CACNA1A: variants seen among roughly 807,000 people sequenced by gnomAD.
CACNA1A encodes voltage-dependent P/Q-type calcium channel subunit alpha-1A.
In CACNA1A, 57 loss-of-function variants were observed where a neutral mutation model predicts 262.4. The observed-to-expected ratio is 0.22, with a 90% confidence interval of 0.18 to 0.27. CACNA1A has a LOEUF of 0.27. Ranked by LOEUF, CACNA1A falls within the 10% of genes least tolerant of loss-of-function variation. The probability of loss-of-function intolerance (pLI) is 1.00; values close to 1 mark genes in which losing one functional copy is unlikely to be tolerated. For missense variants in CACNA1A, 2,526 were observed against 3,562.8 expected, an observed-to-expected ratio of 0.71 and a Z score of 7.41; for synonymous variants, 1,431 against 1,419.3, an observed-to-expected ratio of 1.01 and a Z score of -0.18.
At chr19:13,499,168 A>C (rs1023262493) in intron 1 of CACNA1A, among the ~76,000 whole-genome samples, 4 of 152,098 alleles carry the variant, frequency 2.6e-5, no homozygotes, top group Non-Finnish European at 2.9e-5. Flanking sequence ...GACCGGCCCC[A>C]AAGGAAGAGA....
At chr19:13,306,369 A>AT (rs200956338) in intron 15 of CACNA1A, among the ~76,000 whole-genome samples, 3 of 151,722 alleles carry the variant, frequency 2.0e-5, no homozygotes, top group Non-Finnish European at 2.9e-5. Flanking sequence ...TGTATTAGCC[A>AT]TTTTTTTTCT....
At chr19:13,230,834 A>G (rs2055638322) in intron 35 of CACNA1A, among the ~76,000 whole-genome samples, 1 of 151,390 alleles carries the variant, frequency 6.6e-6, no homozygotes, top group African/African-American at 2.4e-5. Flanking sequence ...AGAGAGAGAG[A>G]CAAAGACCAA....
At chr19:13,450,578 T>C (rs1015224169) in intron 3 of CACNA1A, 3 of 152,270 alleles carry the variant, frequency 2.0e-5, no homozygotes, top group African/African-American at 7.2e-5. Context: ...AGGGGATTTT[T>C]CTATTTTGTT....
At chr19:13,211,871 C>T (rs1276910416) in intron 43 of CACNA1A, 2 of 516,602 alleles carry the variant, frequency 3.9e-6, no homozygotes, top group African/African-American at 3.8e-5. Context: ...TGCCCTCTGC[C>T]CCAGGGGGAG....
At chr19:13,276,624 T>C (rs2057153954) in intron 23 of CACNA1A, among the ~76,000 whole-genome samples, 1 of 151,968 alleles carries the variant, frequency 6.6e-6, no homozygotes, top group South Asian at 2.1e-4. Flanking sequence ...ACCAGGCATT[T>C]CTAATCCTCT....
chr19:13,368,329 T>A (rs8109539), intron 4 of CACNA1A, among the ~76,000 whole-genome samples: 1 of 150,808 alleles, frequency 6.6e-6, no homozygotes, highest in Non-Finnish European at 1.5e-5. Flanking sequence ...TTTCTCTGCC[T>A]ATCATTGGCT....
Position 13,311,281 on chromosome 19 carries a change from G to A in CACNA1A, c.1668+1388C>T, listed in dbSNP as rs192210062. ...ATTATTATTAATTTTTGTAGAGACA[G>A]GGTCTTGCTATGTTGCCTGGGCTGG... is the stretch of plus-strand genomic sequence containing the variant. On this transcript the variant is annotated intron_variant, in intron 12 of 46. Transcript: ENST00000360228. Among the ~76,000 whole-genome samples, 41 of 152,240 alleles carry A rather than the reference G, an allele frequency of 2.7e-4. No individual in the cohort carries two copies. In the East Asian group the frequency reaches 7.7e-3, roughly 29 times the overall value.
In CACNA1A at chr19:13,208,880, T is replaced by C. The variant is rs772789381; in HGVS notation, c.6656A>G (p.His2219Arg). The C allele has an allele frequency of 1.4e-6, 1 of 692,084 alleles. No homozygotes were observed. 42.9% of individuals were successfully genotyped at this position (692,084 alleles called of 1,614,324 possible). Residue 2219 changes from histidine (H) to arginine (R), a missense_variant, in exon 46 of 47, where the codon CAT (histidine) becomes CGT (arginine). By Grantham distance (29) the His-to-Arg change is conservative (BLOSUM62 0). Coordinates refer to ENST00000360228, the MANE Select transcript of CACNA1A (RefSeq NM_001127222.2). ...GCGGTCCTTGTCGGGGGGCGGGGGA[T>C]GGTGGTGGTGGTGGTGGTGGTGGTG... ...QHHHHHHHHH[H>R]PPPPDKDRYA...
intron 31 of CACNA1A, among the ~76,000 whole-genome samples, chr19:13,240,147 T>G (rs2144669024): frequency 9.4e-6 from 1 of 106,464 alleles, no homozygotes; most frequent in East Asian, 5.8e-4. Flanking sequence ...CGAGACTCTG[T>G]CTAAAAAAAA....
chr19:13,276,017 C>A, intron 23 of CACNA1A, 61 bp from the exon 24 acceptor site: 1 of 1,083,034 alleles, frequency 9.2e-7, no homozygotes, highest in South Asian at 1.3e-5. Context: ...GGGGTGCTGC[C>A]ACCCACTCTC....
chr19:13,306,921 C>T (rs2057915736), intron 15 of CACNA1A, among the ~76,000 whole-genome samples: 1 of 152,112 alleles, frequency 6.6e-6, no homozygotes, highest in Non-Finnish European at 1.5e-5. Context: ...CTGCTTGGTC[C>T]TGCATGGTGT....
chr19:13,291,144 G>A (rs747779772), intron 19 of CACNA1A, among the ~76,000 whole-genome samples: 2 of 152,138 alleles, frequency 1.3e-5, no homozygotes, highest in East Asian at 3.8e-4. Context: ...TCCTCTGCCT[G>A]GAATAGGTGG....
chr19:13,415,621 G>A (rs533832548), intron 3 of CACNA1A, among the ~76,000 whole-genome samples: 98 of 151,778 alleles, frequency 6.5e-4, no homozygotes, highest in African/African-American at 2.3e-3. Context: ...CACGCCTGTA[G>A]TCCCAGCTAC....
In CACNA1A at chr19:13,317,328, G is replaced by C. The variant is rs754052378; in HGVS notation, c.1346-7C>G. ...GCTCGGGCGAAGGGAGAACCTGCCA[G>C]GGAAAAGATGGAGAATGTCAGGCTC... On this transcript the variant is annotated splice_polypyrimidine_tract_variant and splice_region_variant and intron_variant, in intron 10 of 46. Transcript: ENST00000360228. 6.3e-7 allele frequency: 1 copy of C among 1,593,078 alleles called. No homozygotes were observed. The highest frequency in any genetic ancestry group is 1.7e-5 in the Admixed American group (1 of 59,522).
At position 13,353,163 on chromosome 19, in the gene CACNA1A, G is replaced by C. The variant is rs2058945551; in HGVS notation, c.978+6443C>G. ...GGGTTTCACTCTGTTGCCCAGGCTG[G>C]AGTGCAGTGGCGTGATCACGGCTTA... On this transcript the variant is annotated intron_variant, in intron 6 of 46. Coordinates refer to ENST00000360228, the MANE Select transcript of CACNA1A (RefSeq NM_001127222.2). Among the ~76,000 whole-genome samples, 4 of 152,072 alleles carry C rather than the reference G, an allele frequency of 2.6e-5. No individual in the cohort carries two copies. The East Asian group carries it at 7.7e-4, about 29-fold the overall frequency.
chr19:13,281,653 G>A (rs1333817043), intron 22 of CACNA1A, among the ~76,000 whole-genome samples: 1 of 152,080 alleles, frequency 6.6e-6, no homozygotes, highest in Admixed American at 6.6e-5. Flanking sequence ...GTCCCCAGCA[G>A]CTCTAGAGGG....
At chr19:13,504,535 C>T (rs1982781951) in intron 1 of CACNA1A, among the ~76,000 whole-genome samples, 1 of 151,678 alleles carries the variant, frequency 6.6e-6, no homozygotes, top group African/African-American at 2.4e-5. Flanking sequence ...CGCCATGCTC[C>T]TCAAACAGCA....
At chr19:13,370,002 TAA>T (rs1259038505) in intron 4 of CACNA1A, among the ~76,000 whole-genome samples, 2 of 152,070 alleles carry the variant, frequency 1.3e-5, no homozygotes, top group East Asian at 3.8e-4. Flanking sequence ...ATGGTGATAA[TAA>T]AAGAGACTAC....
At position 13,207,485 on chromosome 19, in the gene CACNA1A, C is replaced by A; in HGVS notation, c.7349G>T (p.Arg2450Leu). Reference sequence around the variant, plus strand: ...CGAGGCCCGGGGAGTCCTGGGCGAGCGCCCGGTGGCGCCCGAGGACGCGTG... The same window carrying A: ...CGAGGCCCGGGGAGTCCTGGGCGAGAGCCCGGTGGCGCCCGAGGACGCGTG... ...VRHASSGATG[R>L]SPRTPRASGP... Residue 2450 changes from arginine (R) to leucine (L), a missense_variant, in exon 47 of 47, where the codon CGC (arginine) becomes CTC (leucine). Coordinates refer to ENST00000360228, the MANE Select transcript of CACNA1A (RefSeq NM_001127222.2). This position sits in a 1 kb window ranked among gnomAD's most constrained non-coding sequence, Gnocchi z 5.7. 7.0e-7 allele frequency: 1 copy of A among 1,422,720 alleles called. No homozygotes were observed. Among genetic ancestry groups the A allele is most frequent in the Admixed American group, 3.1e-5 (1 of 32,710 alleles). The allele number at this position is 1,422,720 out of a possible 1,614,324, so 88.1% of individuals were successfully genotyped here. A position where few individuals can be genotyped will look rare whatever the true frequency, so the allele number is the denominator to read the frequency against.
Sources: gnomAD v4.1 joint callset for allele counts (sites outside exome capture counted in the v4.1 genomes callset) on GRCh38, gnomAD v4.1.1 for gene constraint, Gnocchi (gnomAD v3.1) non-coding constraint, MANE v1.5 for transcripts, NCBI Gene and HGNC (gene_info 2026-07-23, HGNC 2026-07-21) for gene names.